Variants in MBD2 observed in about 807,000 individuals in gnomAD.
MBD2 encodes methyl-CpG binding domain protein 2, also known as methyl-CpG-binding domain protein 2.
A neutral mutation model predicts 39.3 loss-of-function variants in MBD2; 9 were observed. That is an observed-to-expected ratio of 0.23 (90% confidence interval 0.14 to 0.40). The LOEUF (loss-of-function observed/expected upper bound fraction) is 0.40. Among genes scored for constraint, MBD2 ranks in the 10% least tolerant of loss-of-function variants. The pLI is 1.00. For synonymous variants in MBD2, 233 were observed against 211.1 expected (o/e 1.10, Z -0.90); for missense variants, 458 against 532.6 (o/e 0.86, Z 1.38).
At chr18:54,217,477 T>C (rs185519170) in intron 1 of MBD2, among the ~76,000 whole-genome samples, 2 of 152,294 alleles carry the variant, frequency 1.3e-5, no homozygotes, top group Admixed American at 1.3e-4. Flanking sequence ...GATCAATACA[T>C]AAGAGCTGTA....
At chr18:54,155,707 A>G (rs1031113079) in intron 6 of MBD2, among the ~76,000 whole-genome samples, 1 of 152,230 alleles carries the variant, frequency 6.6e-6, no homozygotes. Flanking sequence ...TCTACTCAAG[A>G]TACTTTATTT....
intron 1 of MBD2, 65 bp from the exon 2 acceptor site, chr18:54,205,222 T>G (rs2086439306): frequency 1.5e-6 from 2 of 1,378,948 alleles, no homozygotes; most frequent in Admixed American, 4.1e-5. Flanking sequence ...CTTTTCTTCA[T>G]GTCTTCCCCT....
At position 54,188,399 on chromosome 18, in the gene MBD2, C is replaced by G. The variant is rs556845666; in HGVS notation, c.840+475G>C. On this transcript the variant is annotated intron_variant, in intron 3 of 6. Transcript: ENST00000256429. ...TGGTACAAAAATGGAAGTCACAGGA[C>G]AATATACCATATTGACAAAGTTTAT... Among the ~76,000 whole-genome samples the G allele has an allele frequency of 2.6e-5, 4 of 152,184 alleles. No homozygotes were observed. In the South Asian group the frequency reaches 8.3e-4, roughly 32 times the overall value.
chr18:54,186,479 A>G (rs1038663530), intron 3 of MBD2, among the ~76,000 whole-genome samples: 4 of 152,162 alleles, frequency 2.6e-5, no homozygotes, highest in African/African-American at 9.6e-5. Flanking sequence ...TCAAAATAGA[A>G]TTAAAACCAA....
At chr18:54,195,972 T>C (rs537185313) in intron 2 of MBD2, among the ~76,000 whole-genome samples, 1 of 152,304 alleles carries the variant, frequency 6.6e-6, no homozygotes, top group Non-Finnish European at 1.5e-5. Flanking sequence ...CTCCAGAATA[T>C]ATACGGTAGT....
At chr18:54,175,185 T>G (rs550206203) in intron 3 of MBD2, among the ~76,000 whole-genome samples, 2 of 152,336 alleles carry the variant, frequency 1.3e-5, no homozygotes, top group African/African-American at 4.8e-5. Flanking sequence ...CATGCTGAAC[T>G]TCAATAATGA....
chr18:54,214,199 TTG>T (rs1008611069), intron 1 of MBD2, among the ~76,000 whole-genome samples: 1 of 151,408 alleles, frequency 6.6e-6, no homozygotes, highest in African/African-American at 2.4e-5. Context: ...TTTCTTTGTT[TTG>T]TTTTTTTTTT....
chr18:54,153,666 C>CATACTA lies in MBD2; in HGVS notation c.*1652_*1657dup, dbSNP rs1375867041. 1 of 152,156 alleles carries CATACTA rather than the reference C, an allele frequency of 6.6e-6. No individual in the cohort carries two copies. Among genetic ancestry groups the CATACTA allele is most frequent in the Admixed American group, 6.5e-5 (1 of 15,272 alleles). 9.4% of individuals were successfully genotyped at this position (152,156 alleles called of 1,614,324 possible). ...CCCTTGGACATCCATTCTCACTAGT[C>CATACTA]ATACTAGCTTTTAAAAAGAAATCAC... On this transcript the variant is annotated 3_prime_UTR_variant, in exon 7 of 7. Transcript: ENST00000256429.
At chr18:54,183,788 G>A (rs572411549) in intron 3 of MBD2, among the ~76,000 whole-genome samples, 1 of 152,212 alleles carries the variant, frequency 6.6e-6, no homozygotes, top group African/African-American at 2.4e-5. Context: ...TTTAAGATGG[G>A]GTGGATTTGA....
rs2143901903 is a variant in MBD2, at chr18:54,152,746, A to C, written c.*2578T>G. Reference sequence around the variant, plus strand: ...GACAATAGTGTGCTCCAATGTGAGCACCCACTATGTGCCAGGCACTGTGCT... The same window carrying C: ...GACAATAGTGTGCTCCAATGTGAGCCCCCACTATGTGCCAGGCACTGTGCT... On this transcript the variant is annotated 3_prime_UTR_variant, in exon 7 of 7. Transcript: ENST00000256429. 6.6e-6 allele frequency: 1 copy of C among 152,238 alleles called. No individual in the cohort carries two copies. Among genetic ancestry groups the C allele is most frequent in the East Asian group, 1.9e-4 (1 of 5,194 alleles). The allele number at this position is 152,238 out of a possible 1,614,324, so 9.4% of individuals were successfully genotyped here.
chr18:54,200,204 G>C (rs2086395374), intron 2 of MBD2, among the ~76,000 whole-genome samples: 1 of 152,148 alleles, frequency 6.6e-6, no homozygotes, highest in South Asian at 2.1e-4. Context: ...CGAAAGAATT[G>C]AGCCTTTCCA....
chr18:54,202,450 A>G (rs2086415350), intron 2 of MBD2, among the ~76,000 whole-genome samples: 1 of 152,248 alleles, frequency 6.6e-6, no homozygotes, highest in South Asian at 2.1e-4. Flanking sequence ...CTGTACCATC[A>G]TAAAAAAGAC....
intron 5 of MBD2, among the ~76,000 whole-genome samples, chr18:54,163,179 G>A (rs2086108876): frequency 6.6e-6 from 1 of 152,150 alleles, no homozygotes; most frequent in Non-Finnish European, 1.5e-5. Flanking sequence ...GGCTGAGGCA[G>A]GAGAATTGCT....
intron 6 of MBD2, among the ~76,000 whole-genome samples, chr18:54,156,264 G>A (rs571989514): frequency 7.2e-5 from 11 of 152,220 alleles, no homozygotes; most frequent in East Asian, 1.9e-4. Flanking sequence ...TAAATCTTCC[G>A]CAATCTATAA....
intron 3 of MBD2, among the ~76,000 whole-genome samples, chr18:54,167,631 G>C (rs1789529191): frequency 1.3e-5 from 2 of 152,188 alleles, no homozygotes; most frequent in Admixed American, 6.5e-5. Context: ...AGATAAAGTA[G>C]TGTAATTCTA....
At chr18:54,222,993 A>G (rs1391428405) in intron 1 of MBD2, among the ~76,000 whole-genome samples, 4 of 152,368 alleles carry the variant, frequency 2.6e-5, no homozygotes, top group African/African-American at 9.6e-5. Flanking sequence ...GCTAAATGAC[A>G]ATTGTCTCCA....
intron 3 of MBD2, among the ~76,000 whole-genome samples, chr18:54,186,645 C>T (rs902517437): frequency 6.6e-6 from 1 of 152,106 alleles, no homozygotes; most frequent in Non-Finnish European, 1.5e-5. Flanking sequence ...CAAATATTAC[C>T]TCAATTCTTA....
chr18:54,170,214 C>T (rs1174971001), intron 3 of MBD2, among the ~76,000 whole-genome samples: 1 of 152,190 alleles, frequency 6.6e-6, no homozygotes, highest in Non-Finnish European at 1.5e-5. Context: ...CACTTAGTGT[C>T]CCAAAGAACA....
chr18:54,207,766 A>G (rs685057), intron 1 of MBD2, among the ~76,000 whole-genome samples: 129,602 of 151,884 alleles, frequency 0.85, 55,742 homozygotes, highest in East Asian at 1. Context: ...AGCCAGGCGC[A>G]GTGGTTCATG....
Sources: allele counts gnomAD v4.1 joint callset (sites outside exome capture counted in the v4.1 genomes callset), GRCh38; gene constraint gnomAD v4.1.1; transcripts MANE v1.5; gene names NCBI Gene and HGNC (gene_info 2026-07-23, HGNC 2026-07-21).